Variants in SEC23IP observed in about 807,000 individuals in gnomAD.
The protein encoded by SEC23IP is SEC23-interacting protein.
Under a neutral mutation model 113.4 loss-of-function variants are expected in SEC23IP, and 70 were observed. The observed-to-expected ratio is 0.62, with a 90% confidence interval of 0.51 to 0.75. SEC23IP has a LOEUF of 0.75. Ranked by LOEUF, SEC23IP falls within the 30% of genes least tolerant of loss-of-function variation. The pLI, the probability that SEC23IP is intolerant of heterozygous loss-of-function variation, is 0.00. For missense variants in SEC23IP, 1,160 were observed against 1,204.9 expected (o/e 0.96, Z 0.55); for synonymous variants, 398 against 421.0 (o/e 0.95, Z 0.67).
intron 5 of SEC23IP, among the ~76,000 whole-genome samples, chr10:119,909,826 A>G (rs1236917613): frequency 6.6e-6 from 1 of 152,180 alleles, no homozygotes; most frequent in Non-Finnish European, 1.5e-5. Flanking sequence ...AGAGTTTGAG[A>G]TTGTAGTGAG....
intron 18 of SEC23IP, among the ~76,000 whole-genome samples, chr10:119,934,234 C>T (rs1855702431): frequency 6.6e-6 from 1 of 152,196 alleles, no homozygotes; most frequent in African/African-American, 2.4e-5. Flanking sequence ...AAGGTGCCCC[C>T]ATGGTTGCAG....
intron 2 of SEC23IP, among the ~76,000 whole-genome samples, chr10:119,901,661 G>A (rs934008547): frequency 1.3e-5 from 2 of 152,100 alleles, no homozygotes; most frequent in Non-Finnish European, 2.9e-5. Flanking sequence ...ACCTTTTGAT[G>A]TATATCCTTG....
chr10:119,932,055 G>C lies in SEC23IP; in HGVS notation c.2573-78G>C, dbSNP rs565058726. 7.0e-4 allele frequency: 612 copies of C among 878,334 alleles called. 4 individuals carry two copies. In the South Asian group the frequency reaches 8.4e-3, roughly 12 times the overall value. The allele number at this position is 878,334 out of a possible 1,614,324, so 54.4% of individuals were successfully genotyped here. A position where few individuals can be genotyped will look rare whatever the true frequency, so the allele number is the denominator to read the frequency against. ...AACAGTCTTATCCTGTCTGAGAAGA[G>C]TGTTAACTTACAATTTTTGTGAGGC... On this transcript the variant is annotated intron_variant, in intron 15 of 18. Coordinates refer to ENST00000369075, the MANE Select transcript of SEC23IP (RefSeq NM_007190.4).
At chr10:119,911,763 C>T (rs2134479462) in intron 5 of SEC23IP, among the ~76,000 whole-genome samples, 1 of 152,266 alleles carries the variant, frequency 6.6e-6, no homozygotes, top group Non-Finnish European at 1.5e-5. Context: ...GTGTGAGCCA[C>T]CATACCTGGC....
intron 18 of SEC23IP, among the ~76,000 whole-genome samples, chr10:119,937,078 G>A (rs1332951269): frequency 4.0e-5 from 6 of 151,094 alleles, no homozygotes; most frequent in African/African-American, 1.2e-4. Context: ...TAGTAGAGAC[G>A]GGGTTTCACT....
At chr10:119,920,088 G>A (rs549486394) in intron 11 of SEC23IP, among the ~76,000 whole-genome samples, 4 of 152,232 alleles carry the variant, frequency 2.6e-5, no homozygotes, top group Admixed American at 6.5e-5. Flanking sequence ...TGAAAAAATA[G>A]GAAGTTTGAA....
At chr10:119,898,014 TA>T (rs71482624) in intron 1 of SEC23IP, among the ~76,000 whole-genome samples, 42,422 of 132,022 alleles carry the variant, frequency 0.32, 6,244 homozygotes, top group South Asian at 0.39. Context: ...CAAAAAAAAA[TA>T]AAAAAAAAAA....
chr10:119,935,417 C>G (rs971121754), intron 18 of SEC23IP, among the ~76,000 whole-genome samples: 6 of 151,880 alleles, frequency 4.0e-5, no homozygotes, highest in Non-Finnish European at 5.9e-5. Context: ...GCTGAGATTG[C>G]GCCACTGCAC....
At chr10:119,901,036 T>C in intron 2 of SEC23IP, among the ~76,000 whole-genome samples, 1 of 73,476 alleles carries the variant, frequency 1.4e-5, no homozygotes, top group Non-Finnish European at 2.6e-5. Flanking sequence ...TTTTTTTTTT[T>C]TAAAGAGTGG....
chr10:119,932,742 C>T (rs1855648458), intron 16 of SEC23IP, among the ~76,000 whole-genome samples: 1 of 152,178 alleles, frequency 6.6e-6, no homozygotes, highest in Non-Finnish European at 1.5e-5. Flanking sequence ...TCTTCAGATT[C>T]TAATCCTGTT....
At chr10:119,937,879 A>G (rs746741539) in intron 18 of SEC23IP, among the ~76,000 whole-genome samples, 3 of 152,026 alleles carry the variant, frequency 2.0e-5, no homozygotes, top group Non-Finnish European at 4.4e-5. Flanking sequence ...CTGTTGTTTG[A>G]CATTTTAATT....
rs745330224 is a variant in SEC23IP, at chr10:119,892,766, G to C, written c.-17G>C. The C allele has an allele frequency of 6.3e-7, 1 of 1,597,340 alleles. No homozygotes were observed. The highest frequency in any genetic ancestry group is 1.3e-5 in the African/African-American group (1 of 74,684). ...ACCGGGTACCCGGAGACGTGTATCG[G>C]ACGGTGGGCCGCAGCCATGGCCGAG... On this transcript the variant is annotated 5_prime_UTR_variant, in exon 1 of 19. Transcript: ENST00000369075.
At chr10:119,917,096 C>A (rs146041935) in intron 8 of SEC23IP, among the ~76,000 whole-genome samples, 1 of 152,120 alleles carries the variant, frequency 6.6e-6, no homozygotes, top group Non-Finnish European at 1.5e-5. Context: ...CTTGATCTCC[C>A]GGGCTCAAGC....
At position 119,933,165 on chromosome 10, in the gene SEC23IP, T is replaced by C. The variant is rs1278069006; in HGVS notation, c.2919T>C (p.Tyr973=). The C allele has an allele frequency of 8.7e-6, 14 of 1,612,012 alleles. 1 individual carries two copies. Among genetic ancestry groups the C allele is most frequent in the Non-Finnish European group, 1.2e-5 (14 of 1,179,012 alleles). ...TCGCTCTTCAGAGTCACTTATGCTA[T>C]TGGTAAGTGTTCTTAAATTTGGTAA... ...YLFALQSHLC[Y]WESEDTALLL... Residue 973 remains tyrosine, a splice_region_variant and synonymous_variant, in exon 17 of 19, where the codon TAT becomes TAC. Coordinates refer to ENST00000369075, the MANE Select transcript of SEC23IP (RefSeq NM_007190.4).
At chr10:119,895,460 A>C (rs1485750730) in intron 1 of SEC23IP, among the ~76,000 whole-genome samples, 1 of 152,238 alleles carries the variant, frequency 6.6e-6, no homozygotes, top group African/African-American at 2.4e-5. Flanking sequence ...AAGAGCAGAC[A>C]GCCCTGCCCT....
At chr10:119,926,272 C>T in intron 13 of SEC23IP, 45 bp downstream of exon 13, 1 of 1,499,756 alleles carries the variant, frequency 6.7e-7, no homozygotes, top group East Asian at 2.3e-5. Context: ...ATGTTGGAAT[C>T]ATAATCTTTA....
rs901462536 is a variant in SEC23IP, at chr10:119,943,669, A to T, written c.*3104A>T. 1 of 152,242 alleles carries T rather than the reference A, an allele frequency of 6.6e-6. No homozygotes were observed. The highest frequency in any genetic ancestry group is 2.4e-5 in the African/African-American group (1 of 41,460). 9.4% of individuals were successfully genotyped at this position (152,242 alleles called of 1,614,324 possible). On this transcript the variant is annotated 3_prime_UTR_variant, in exon 19 of 19. Transcript: ENST00000369075. ...TGTATTGGTCCCAGAGAACACTGAA[A>T]ATAATGTCATGTTGTTAACACCAGT...
In SEC23IP at chr10:119,933,777, A is replaced by T; in HGVS notation, c.*10A>T. The T allele has an allele frequency of 6.8e-7, 1 of 1,476,524 alleles. No homozygotes were observed. The allele number at this position is 1,476,524 out of a possible 1,614,324, so 91.5% of individuals were successfully genotyped here. A position where few individuals can be genotyped will look rare whatever the true frequency, so the allele number is the denominator to read the frequency against. On this transcript the variant is annotated 3_prime_UTR_variant, in exon 18 of 19. Transcript: ENST00000369075. The stretch of plus-strand genomic sequence containing the variant: ...ACAGCCCCAGCATTGATCAAACTTC[A>T]GTTTTACTGTGTGAGTTTATCCTTA...
At position 119,904,185 on chromosome 10, in the gene SEC23IP, C is replaced by T; in HGVS notation, c.1009C>T (p.Pro337Ser). Reference protein sequence around the residue: ...IRKAAYWEEEPAEVRRCTWFY... With the variant: ...IRKAAYWEEESAEVRRCTWFY... Reference sequence around the variant, plus strand: ...GAAGGCTGCCTACTGGGAAGAGGAGCCAGCCGAAGTGAGACGCTGTACTTG... The same window carrying T: ...GAAGGCTGCCTACTGGGAAGAGGAGTCAGCCGAAGTGAGACGCTGTACTTG... Residue 337 changes from proline to serine, a missense_variant, in exon 4 of 19, where the codon CCA (proline) becomes TCA (serine). Pro to Ser is a moderately conservative substitution (Grantham distance 74). Transcript: ENST00000369075. The T allele has an allele frequency of 6.2e-7, 1 of 1,614,150 alleles. No individual in the cohort carries two copies. Among genetic ancestry groups the T allele is most frequent in the Non-Finnish European group, 8.5e-7 (1 of 1,180,014 alleles).
Sources: gnomAD v4.1 joint callset for allele counts (sites outside exome capture counted in the v4.1 genomes callset) on GRCh38, gnomAD v4.1.1 for gene constraint, MANE v1.5 for transcripts, NCBI Gene and HGNC (gene_info 2026-07-23, HGNC 2026-07-21) for gene names.